CACNA2D3: variants seen among roughly 807,000 people sequenced by gnomAD.
CACNA2D3 encodes calcium voltage-gated channel auxiliary subunit alpha2delta 3.
CACNA2D3 carries 60 observed loss-of-function variants against 160.6 expected under a neutral mutation model. The ratio of observed to expected loss-of-function variants is 0.37; its 90% CI spans 0.30 to 0.46. The LOEUF (loss-of-function observed/expected upper bound fraction) is 0.46, where lower values mean the gene tolerates loss of function less well. Among genes scored for constraint, CACNA2D3 ranks in the 20% least tolerant of loss-of-function variants. The pLI is 1.00. For synonymous variants in CACNA2D3, 558 were observed against 492.9 expected, an observed-to-expected ratio of 1.13 and a Z score of -1.75; for missense variants, 1,205 against 1,365.0, an observed-to-expected ratio of 0.88 and a Z score of 1.85.
chr3:54,426,577 T>A (rs1699915396), intron 4 of CACNA2D3, among the ~76,000 whole-genome samples: 1 of 152,224 alleles, frequency 6.6e-6, no homozygotes, highest in Admixed American at 6.5e-5. Flanking sequence ...AATGATAGTG[T>A]TTCAGCATTC....
intron 11 of CACNA2D3, among the ~76,000 whole-genome samples, chr3:54,656,121 G>T (rs1329630047): frequency 6.6e-6 from 1 of 152,208 alleles, no homozygotes; most frequent in East Asian, 1.9e-4. Flanking sequence ...CCTGGACCAG[G>T]ATCAGCAGGT....
intron 13 of CACNA2D3, among the ~76,000 whole-genome samples, chr3:54,811,465 CTTTTTTTT>C (rs71096451): frequency 9.0e-6 from 1 of 111,620 alleles, no homozygotes; most frequent in Non-Finnish European, 1.8e-5. Flanking sequence ...TCCCTCAGTT[CTTTTTTTT>C]TTTTTTTTTT....
At chr3:55,068,404 T>C (rs1023523223) in intron 35 of CACNA2D3, among the ~76,000 whole-genome samples, 5 of 152,214 alleles carry the variant, frequency 3.3e-5, no homozygotes, top group African/African-American at 1.2e-4. Flanking sequence ...CTTCATATGT[T>C]CTTCCTTTAC....
intron 2 of CACNA2D3, among the ~76,000 whole-genome samples, chr3:54,178,807 G>C (rs1480930207): frequency 6.6e-6 from 1 of 152,128 alleles, no homozygotes; most frequent in African/African-American, 2.4e-5. Context: ...TCCTCCTTTG[G>C]ATCCAGGGCT....
chr3:54,767,848 A>G (rs904143521), intron 13 of CACNA2D3, among the ~76,000 whole-genome samples: 6 of 152,134 alleles, frequency 3.9e-5, no homozygotes, highest in African/African-American at 1.4e-4. Flanking sequence ...AGGAATGACA[A>G]TAATGGTTTG....
chr3:54,327,488 C>T (rs998504452), intron 3 of CACNA2D3, among the ~76,000 whole-genome samples: 2 of 152,196 alleles, frequency 1.3e-5, no homozygotes, highest in African/African-American at 4.8e-5. Flanking sequence ...TCAAACCCTC[C>T]TCAACTTCAT....
At chr3:54,204,240 C>T (rs1701229539) in intron 2 of CACNA2D3, among the ~76,000 whole-genome samples, 1 of 152,118 alleles carries the variant, frequency 6.6e-6, no homozygotes, top group Non-Finnish European at 1.5e-5. Context: ...CCTCCATAAT[C>T]ACATGAGCCA....
At chr3:54,474,236 A>T (rs1700788303) in intron 4 of CACNA2D3, among the ~76,000 whole-genome samples, 1 of 152,202 alleles carries the variant, frequency 6.6e-6, no homozygotes, top group Admixed American at 6.5e-5. Flanking sequence ...GGATGAGTTC[A>T]TGTCCTTTGC....
intron 35 of CACNA2D3, among the ~76,000 whole-genome samples, chr3:55,029,190 G>A (rs952121427): frequency 5.9e-5 from 9 of 152,148 alleles, no homozygotes; most frequent in Admixed American, 5.9e-4. Flanking sequence ...TAGGGACACA[G>A]CATTTTCCTT....
chr3:54,418,953 G>A (rs1026794104), intron 4 of CACNA2D3, among the ~76,000 whole-genome samples: 10 of 152,158 alleles, frequency 6.6e-5, no homozygotes, highest in Non-Finnish European at 5.9e-5. Context: ...CAGGGACCAC[G>A]TCTGCTTTCA....
chr3:54,669,405 C>T (rs895781349), intron 11 of CACNA2D3, among the ~76,000 whole-genome samples: 3 of 152,132 alleles, frequency 2.0e-5, no homozygotes, highest in Non-Finnish European at 2.9e-5. Context: ...TACCTAATAT[C>T]GAGTCAGGAT....
At position 54,760,588 on chromosome 3, in the gene CACNA2D3, A is replaced by G. The variant is rs147312350; in HGVS notation, c.1247-3630A>G. 3.2e-4 allele frequency among the ~76,000 whole-genome samples: 49 copies of G among 152,286 alleles called. 1 individual carries two copies. The East Asian group carries it at 9.3e-3, about 29-fold the overall frequency. ...AATCTCTGATGGCTGTGAGGAGCCT[A>G]GACAAGGGGGAGAGGGATTTGTGGG... On this transcript the variant is annotated intron_variant, in intron 12 of 37. Transcript: ENST00000474759.
chr3:54,670,567 A>G (rs1559544764), intron 11 of CACNA2D3, among the ~76,000 whole-genome samples: 1 of 152,184 alleles, frequency 6.6e-6, no homozygotes. Context: ...CATCCCAGGT[A>G]GCAGGAGTGA....
At chr3:54,251,464 A>G (rs1385606163) in intron 2 of CACNA2D3, among the ~76,000 whole-genome samples, 1 of 152,212 alleles carries the variant, frequency 6.6e-6, no homozygotes, top group Non-Finnish European at 1.5e-5. Context: ...GAAGAAGATG[A>G]CAAACCTAGG....
intron 4 of CACNA2D3, among the ~76,000 whole-genome samples, chr3:54,454,336 C>T (rs1700359734): frequency 6.6e-6 from 1 of 152,130 alleles, no homozygotes; most frequent in Admixed American, 6.6e-5. Context: ...CGACATTTCC[C>T]TCCCTCACCC....
At chr3:54,631,203 AACACACACACACACACAC>A (rs67944483) in intron 10 of CACNA2D3, among the ~76,000 whole-genome samples, 20 of 145,880 alleles carry the variant, frequency 1.4e-4, no homozygotes, top group African/African-American at 3.9e-4. Context: ...GACTCCATCA[AACACACACACACACACAC>A]ACACACACAC....
chr3:54,862,321 A>G (rs1048805864), intron 17 of CACNA2D3, among the ~76,000 whole-genome samples: 12 of 152,038 alleles, frequency 7.9e-5, no homozygotes, highest in African/African-American at 2.9e-4. Flanking sequence ...AACAATTTTT[A>G]GCAGGAAAAG....
intron 27 of CACNA2D3, among the ~76,000 whole-genome samples, chr3:54,946,442 A>G (rs1031937311): frequency 1.6e-4 from 24 of 152,128 alleles, no homozygotes; most frequent in Non-Finnish European, 3.1e-4. Flanking sequence ...CTCAGTCAGT[A>G]TTTGTTGGAT....
chr3:54,685,217 C>T (rs879743100), intron 11 of CACNA2D3, among the ~76,000 whole-genome samples: 1 of 152,076 alleles, frequency 6.6e-6, no homozygotes, highest in African/African-American at 2.4e-5. Flanking sequence ...AAATCAACAA[C>T]AAGAAAAAGA....
Sources: allele counts gnomAD v4.1 joint callset (sites outside exome capture counted in the v4.1 genomes callset), GRCh38; gene constraint gnomAD v4.1.1; transcripts MANE v1.5; gene names NCBI Gene and HGNC (gene_info 2026-07-23, HGNC 2026-07-21).